SCHIP1: variants seen among roughly 807,000 people sequenced by gnomAD.
SCHIP1 encodes the protein schwannomin-interacting protein 1.
In SCHIP1, 8 loss-of-function variants were observed where a neutral mutation model predicts 29.7. The observed-to-expected ratio is 0.27, with a 90% confidence interval of 0.16 to 0.49. SCHIP1 has a LOEUF of 0.49. Among genes scored for constraint, SCHIP1 ranks in the 20% least tolerant of loss-of-function variants. The pLI is 0.99. For synonymous variants in SCHIP1, 76 were observed against 94.9 expected (o/e 0.80, Z 1.16); for missense variants, 193 against 294.6 (o/e 0.66, Z 2.52).
chr3:159,338,733 G>A, the SCHIP1 span, among the ~76,000 whole-genome samples: 1 of 152,172 alleles, frequency 6.6e-6, no homozygotes, highest in South Asian at 2.1e-4. Context: ...CCAAGCTGAA[G>A]GAATACCTTT....
At chr3:159,701,852 G>A in the SCHIP1 span, among the ~76,000 whole-genome samples, 1,625 of 152,178 alleles carry the variant, frequency 0.011, 27 homozygotes, top group African/African-American at 0.036. Flanking sequence ...GAGACATTGG[G>A]CAGACTTCAA....
the SCHIP1 span, among the ~76,000 whole-genome samples, chr3:159,585,332 TA>T: frequency 1.3e-5 from 2 of 152,102 alleles, no homozygotes; most frequent in African/African-American, 4.8e-5. Flanking sequence ...TCCATGACCT[TA>T]AAAGGGATAA....
the SCHIP1 span, among the ~76,000 whole-genome samples, chr3:159,725,538 C>T: frequency 6.1e-3 from 934 of 152,244 alleles, 10 homozygotes; most frequent in Admixed American, 0.022. Flanking sequence ...GTGCTGCAAT[C>T]ACAGGCGTGA....
chr3:159,850,109 A>G (rs967605896), intron 1 of SCHIP1, among the ~76,000 whole-genome samples: 2 of 152,218 alleles, frequency 1.3e-5, no homozygotes, highest in Non-Finnish European at 2.9e-5. Context: ...GACATCAGTG[A>G]AGTAGCTTCC....
At chr3:159,835,980 T>G (rs2108986837), upstream of SCHIP1, among the ~76,000 whole-genome samples, 1 of 152,336 alleles carries the variant, frequency 6.6e-6, no homozygotes, top group South Asian at 2.1e-4. Flanking sequence ...TAATCTAATT[T>G]TTCTTCCCTT....
chr3:159,339,768 C>G, the SCHIP1 span, among the ~76,000 whole-genome samples: 23 of 152,144 alleles, frequency 1.5e-4, no homozygotes, highest in Non-Finnish European at 8.8e-5. Context: ...AAACTTTTCT[C>G]TAGAAGTAAT....
the SCHIP1 span, among the ~76,000 whole-genome samples, chr3:159,569,961 T>C: frequency 1.3e-5 from 2 of 152,236 alleles, no homozygotes; most frequent in Non-Finnish European, 2.9e-5. Context: ...GCAGCATAGA[T>C]GTCTTCTTTT....
the SCHIP1 span, chr3:159,768,575 T>G: frequency 1.7e-4 from 26 of 152,366 alleles, no homozygotes; most frequent in African/African-American, 6.3e-4. Flanking sequence ...AGCACTGACC[T>G]TCACTTTGCG....
At chr3:159,808,392 T>G in the SCHIP1 span, 1 of 152,224 alleles carries the variant, frequency 6.6e-6, no homozygotes, top group Non-Finnish European at 1.5e-5. Context: ...CAGACTCCCT[T>G]GCAGTTACAA....
At chr3:159,425,288 A>G in the SCHIP1 span, among the ~76,000 whole-genome samples, 1 of 152,180 alleles carries the variant, frequency 6.6e-6, no homozygotes, top group Non-Finnish European at 1.5e-5. Flanking sequence ...TGCTGTATTC[A>G]GGAAACCCAT....
At chr3:159,626,168 A>ATATC in the SCHIP1 span, among the ~76,000 whole-genome samples, 3 of 66,230 alleles carry the variant, frequency 4.5e-5, no homozygotes, top group Non-Finnish European at 8.2e-5. Context: ...ATATCTAGAT[A>ATATC]TATCTATCTA....
At chr3:159,781,228 T>C in the SCHIP1 span, among the ~76,000 whole-genome samples, 10 of 152,094 alleles carry the variant, frequency 6.6e-5, no homozygotes, top group African/African-American at 1.4e-4. Flanking sequence ...CAGGCTGGAG[T>C]GCAATGGCAT....
the SCHIP1 span, among the ~76,000 whole-genome samples, chr3:159,775,222 T>TTTTTTG: frequency 6.6e-6 from 1 of 152,266 alleles, no homozygotes; most frequent in Admixed American, 6.5e-5. Context: ...ACAGAGTTAG[T>TTTTTTG]TTTTTGTTTT....
chr3:159,640,682 C>T, the SCHIP1 span, among the ~76,000 whole-genome samples: 3 of 152,138 alleles, frequency 2.0e-5, no homozygotes, highest in Admixed American at 6.5e-5. Context: ...CATGAGAAGG[C>T]ACAGCGTCAC....
At chr3:159,471,013 G>T in the SCHIP1 span, among the ~76,000 whole-genome samples, 1 of 152,150 alleles carries the variant, frequency 6.6e-6, no homozygotes, top group East Asian at 1.9e-4. Flanking sequence ...CTACAAAAGA[G>T]CATAAGAGAA....
the SCHIP1 span, among the ~76,000 whole-genome samples, chr3:159,324,979 G>A: frequency 2.6e-5 from 4 of 152,056 alleles, no homozygotes; most frequent in Non-Finnish European, 5.9e-5. Flanking sequence ...ATTTGCATTT[G>A]GAAAATGTTT....
At chr3:159,880,086 A>G (rs993568280) in intron 2 of SCHIP1, among the ~76,000 whole-genome samples, 6 of 152,232 alleles carry the variant, frequency 3.9e-5, no homozygotes, top group Admixed American at 2.0e-4. Flanking sequence ...CTACCTTTGG[A>G]GCTGCCTTCA....
At chr3:159,291,469 A>T in the SCHIP1 span, among the ~76,000 whole-genome samples, 2 of 152,170 alleles carry the variant, frequency 1.3e-5, no homozygotes, top group Non-Finnish European at 2.9e-5. Context: ...AATATAGGAA[A>T]AGTGAAATGA....
the SCHIP1 span, among the ~76,000 whole-genome samples, chr3:159,610,020 G>T: frequency 6.6e-6 from 1 of 152,116 alleles, no homozygotes; most frequent in African/African-American, 2.4e-5. Flanking sequence ...GCATTATTTT[G>T]CTAAGCATTG....
Sources: gnomAD v4.1 joint callset for allele counts (sites outside exome capture counted in the v4.1 genomes callset) on GRCh38, gnomAD v4.1.1 for gene constraint, MANE v1.5 for transcripts, NCBI Gene and HGNC (gene_info 2026-07-23, HGNC 2026-07-21) for gene names.